The following AP3S2 variants were observed in gnomAD, a reference collection of about 807,000 sequenced individuals.
AP3S2 encodes adaptor related protein complex 3 subunit sigma 2.
In AP3S2, 22 loss-of-function variants were observed where a neutral mutation model predicts 23.4. The ratio of observed to expected loss-of-function variants is 0.94; its 90% confidence interval spans 0.67 to 1.34. The LOEUF is 1.34. AP3S2 is among the 40% of genes most tolerant of loss of function. The pLI is 0.00. For synonymous variants in AP3S2, 86 were observed against 87.1 expected, an observed-to-expected ratio of 0.99 and a Z score of 0.07; for missense variants, 241 against 236.9, an observed-to-expected ratio of 1.02 and a Z score of -0.11.
intron 4 of AP3S2, 130 bp from the exon 5 acceptor site, chr15:89,837,852 A>G: frequency 9.6e-7 from 1 of 1,039,752 alleles, no homozygotes; most frequent in Non-Finnish European, 1.4e-6. Context: ...TCAGACACTC[A>G]AACCCCCCTG....
Position 89,858,519 on chromosome 15 carries a change from GAGAGAGAAAGAA to G in AP3S2, c.345+12944_345+12955del, listed in dbSNP as rs1486688649. Among the ~76,000 whole-genome samples the G allele has an allele frequency of 5.3e-3, 232 of 44,076 alleles. 1 individual carries two copies. Among genetic ancestry groups the G allele is most frequent in the South Asian group, 8.5e-3 (14 of 1,654 alleles). The allele number at this position is 44,076 out of a possible 152,430, so 28.9% of individuals were successfully genotyped here. ...AGAGAGAGAGAGAGAGAGAGAGAGA[GAGAGAGAAAGAA>G]AGAAAGAAAGAAAGAAAGAAAGAAA... On this transcript the variant is annotated intron_variant, in intron 4 of 5. Coordinates refer to ENST00000336418, the MANE Select transcript of AP3S2 (RefSeq NM_005829.5).
chr15:89,874,127 G>GTT (rs10602688), intron 3 of AP3S2, among the ~76,000 whole-genome samples: 13 of 146,904 alleles, frequency 8.8e-5, no homozygotes, highest in Non-Finnish European at 1.7e-4. Flanking sequence ...AGGGTTTTGG[G>GTT]TTTTTTTTTT....
At chr15:89,879,244 T>G (rs1896515041) in intron 3 of AP3S2, among the ~76,000 whole-genome samples, 1 of 152,266 alleles carries the variant, frequency 6.6e-6, no homozygotes, top group Non-Finnish European at 1.5e-5. Context: ...CTTATTACAT[T>G]CCATTAGTAC....
At chr15:89,839,488 C>T (rs1226092492) in intron 4 of AP3S2, among the ~76,000 whole-genome samples, 4 of 152,194 alleles carry the variant, frequency 2.6e-5, no homozygotes, top group African/African-American at 9.7e-5. Context: ...GTAAAAGTCT[C>T]ATATTTAGAT....
chr15:89,877,708 T>C (rs1896475977), intron 3 of AP3S2, among the ~76,000 whole-genome samples: 1 of 151,908 alleles, frequency 6.6e-6, no homozygotes, highest in African/African-American at 2.4e-5. Context: ...GGCACAAGAA[T>C]TGCTTGAACC....
intron 4 of AP3S2, among the ~76,000 whole-genome samples, chr15:89,853,100 G>T (rs564120702): frequency 2.0e-5 from 3 of 152,316 alleles, no homozygotes; most frequent in East Asian, 3.9e-4. Context: ...AGGTTTTGAG[G>T]AAGGTGGTGG....
chr15:89,863,538 A>G (rs147112538), intron 4 of AP3S2, among the ~76,000 whole-genome samples: 1 of 152,344 alleles, frequency 6.6e-6, no homozygotes, highest in East Asian at 1.9e-4. Context: ...ACAGGAAGAA[A>G]AGGAGAGAGA....
chr15:89,830,790 G>A lies in AP3S2; in HGVS notation c.*4725C>T, dbSNP rs909136514. 9 of 152,528 alleles carry A rather than the reference G, an allele frequency of 5.9e-5. No homozygotes were observed. Among genetic ancestry groups the A allele is most frequent in the African/African-American group, 2.2e-4 (9 of 41,460 alleles). 9.4% of individuals were successfully genotyped at this position (152,528 alleles called of 1,614,324 possible). On this transcript the variant is annotated 3_prime_UTR_variant, in exon 6 of 6. Coordinates refer to ENST00000336418, the MANE Select transcript of AP3S2 (RefSeq NM_005829.5). ...GCCATGGGAAAGGTACGCTGAGCAA[G>A]GGCGGGCAGTGCCAGGGCTGGGGTG...
chr15:89,867,010 A>C (rs1157026448), intron 4 of AP3S2, among the ~76,000 whole-genome samples: 1,901 of 14,256 alleles, frequency 0.13, no homozygotes, highest in Middle Eastern at 0.15. Flanking sequence ...CTCTCCCCCT[A>C]CCCCTCCCCC....
At chr15:89,870,996 A>G (rs1896305731) in intron 4 of AP3S2, among the ~76,000 whole-genome samples, 1 of 152,230 alleles carries the variant, frequency 6.6e-6, no homozygotes, top group Non-Finnish European at 1.5e-5. Context: ...ACCTTCCTAT[A>G]GAATATCACC....
chr15:89,844,506 T>C (rs1895438540), intron 4 of AP3S2, among the ~76,000 whole-genome samples: 1 of 151,536 alleles, frequency 6.6e-6, no homozygotes, highest in Admixed American at 6.6e-5. Context: ...CCCAGCTTTT[T>C]TTCTTTTTTT....
At position 89,893,674 on chromosome 15, in the gene AP3S2, T is replaced by A; in HGVS notation, c.69+207A>T. On this transcript the variant is annotated intron_variant, in intron 1 of 5. Coordinates refer to ENST00000336418, the MANE Select transcript of AP3S2 (RefSeq NM_005829.5). Reference sequence around the variant, plus strand: ...AGAAATGCCAGGATCAAGAAAAGGGTCAGCGAGAGCGGGGCAGTAGGGCGG... The same window carrying A: ...AGAAATGCCAGGATCAAGAAAAGGGACAGCGAGAGCGGGGCAGTAGGGCGG... 2 of 548,160 alleles carry A rather than the reference T, an allele frequency of 3.6e-6. 1 individual carries two copies. Among genetic ancestry groups the A allele is most frequent in the South Asian group, 4.7e-5 (2 of 42,458 alleles). The allele number at this position is 548,160 out of a possible 1,614,324, so 34.0% of individuals were successfully genotyped here.
Position 89,858,467 on chromosome 15 carries a change from GAA to G in AP3S2, c.345+13006_345+13007del, listed in dbSNP as rs1567178591. On this transcript the variant is annotated intron_variant, in intron 4 of 5. Transcript: ENST00000336418. ...AAAAAAAGAAAGAAAAAGAAAGAAA[GAA>G]AGAAAGAAAGAAAGAAAGAAAGAAA... is the stretch of plus-strand genomic sequence containing the variant. 3.2e-3 allele frequency among the ~76,000 whole-genome samples: 110 copies of G among 34,196 alleles called. 1 individual carries two copies. The highest frequency in any genetic ancestry group is 7.4e-3 in the African/African-American group (107 of 14,496). 22.4% of individuals were successfully genotyped at this position (34,196 alleles called of 152,430 possible). A position where few individuals can be genotyped will look rare whatever the true frequency, so the allele number is the denominator to read the frequency against.
chr15:89,839,889 A>C (rs1282038015), intron 4 of AP3S2, among the ~76,000 whole-genome samples: 3 of 151,614 alleles, frequency 2.0e-5, no homozygotes, highest in Non-Finnish European at 2.9e-5. Context: ...TGTAAAAGGG[A>C]AGGGAATTCT....
intron 4 of AP3S2, among the ~76,000 whole-genome samples, chr15:89,859,130 A>G (rs1895937706): frequency 6.7e-6 from 1 of 150,064 alleles, no homozygotes; most frequent in Non-Finnish European, 1.5e-5. Flanking sequence ...AGTGCTGGGG[A>G]TTATCGTCGT....
intron 4 of AP3S2, among the ~76,000 whole-genome samples, chr15:89,870,544 G>A (rs532872979): frequency 7.9e-5 from 12 of 152,110 alleles, no homozygotes; most frequent in Non-Finnish European, 1.6e-4. Flanking sequence ...GGAAAGTGGG[G>A]ATCTGCCAAC....
rs763149781 is a variant in AP3S2, at chr15:89,877,937, C to T, written c.274-6391G>A. On this transcript the variant is annotated intron_variant, in intron 3 of 5. Transcript: ENST00000336418. Reference sequence around the variant, plus strand: ...ATAGGTGTTGTAATCATGTTAGACTCGCTTTCACTAAACCTGACAGGACTA... The same window carrying T: ...ATAGGTGTTGTAATCATGTTAGACTTGCTTTCACTAAACCTGACAGGACTA... 1.4e-4 allele frequency among the ~76,000 whole-genome samples: 21 copies of T among 152,230 alleles called. 1 individual carries two copies. The South Asian group carries it at 3.9e-3, about 29-fold the overall frequency.
chr15:89,882,213 T>C (rs549504300), intron 3 of AP3S2, among the ~76,000 whole-genome samples: 3 of 152,184 alleles, frequency 2.0e-5, no homozygotes, highest in African/African-American at 7.2e-5. Context: ...TTTAGCAGAA[T>C]AGGCACAACC....
chr15:89,867,736 C>T (rs369880712), intron 4 of AP3S2, among the ~76,000 whole-genome samples: 3,356 of 138,736 alleles, frequency 0.024, 218 homozygotes, highest in East Asian at 0.24. Context: ...CGTCTCTGCC[C>T]GGCCGCCCTG....
Sources: gnomAD v4.1 joint callset for allele counts (sites outside exome capture counted in the v4.1 genomes callset) on GRCh38, gnomAD v4.1.1 for gene constraint, MANE v1.5 for transcripts, NCBI Gene and HGNC (gene_info 2026-07-23, HGNC 2026-07-21) for gene names.